Variants in FOXJ3 observed in about 807,000 individuals in gnomAD.
FOXJ3 encodes forkhead box J3.
FOXJ3 carries 22 observed loss-of-function variants against 76.1 expected under a neutral mutation model. The ratio of observed to expected loss-of-function variants is 0.29; its 90% CI spans 0.21 to 0.41. The LOEUF (loss-of-function observed/expected upper bound fraction) is 0.41. Ranked by LOEUF, FOXJ3 falls within the 10% of genes least tolerant of loss-of-function variation. The pLI, the probability that FOXJ3 is intolerant of heterozygous loss-of-function variation, is 1.00. For synonymous variants in FOXJ3, 269 were observed against 261.2 expected, an observed-to-expected ratio of 1.03 and a Z score of -0.29; for missense variants, 613 against 762.1, an observed-to-expected ratio of 0.80 and a Z score of 2.30.
intron 5 of FOXJ3, among the ~76,000 whole-genome samples, chr1:42,216,024 A>G (rs1647057312): frequency 6.6e-6 from 1 of 152,112 alleles, no homozygotes; most frequent in Admixed American, 6.5e-5. Context: ...TCATATACAT[A>G]TATATGTGAA....
At chr1:42,204,803 G>C (rs924884765) in intron 6 of FOXJ3, among the ~76,000 whole-genome samples, 2 of 151,638 alleles carry the variant, frequency 1.3e-5, no homozygotes, top group Non-Finnish European at 2.9e-5. Context: ...CTATGCCTAG[G>C]CTACCAGTTT....
intron 1 of FOXJ3, among the ~76,000 whole-genome samples, chr1:42,321,887 A>T (rs1655452202): frequency 6.6e-6 from 1 of 152,126 alleles, no homozygotes; most frequent in African/African-American, 2.4e-5. Flanking sequence ...GGGAAAAAAA[A>T]TGGGAGACTT....
rs146464163 is a variant in FOXJ3, at chr1:42,283,653, G to A, written c.45-4981C>T. Among the ~76,000 whole-genome samples, 156 of 152,132 alleles carry A rather than the reference G, an allele frequency of 1.0e-3. 2 individuals carry two copies. Among genetic ancestry groups the A allele is most frequent in the African/African-American group, 3.6e-3 (150 of 41,504 alleles). ...CATGGCATTTCATCTTAAGACCTGCGGCACATAACAAAACTGAGCAACTTA... is the reference window on the plus strand; with the variant it reads ...CATGGCATTTCATCTTAAGACCTGCAGCACATAACAAAACTGAGCAACTTA... On this transcript the variant is annotated intron_variant, in intron 2 of 12. Coordinates refer to ENST00000361346, the MANE Select transcript of FOXJ3 (RefSeq NM_014947.5).
At chr1:42,213,759 A>C (rs1317960797) in intron 5 of FOXJ3, among the ~76,000 whole-genome samples, 2 of 152,204 alleles carry the variant, frequency 1.3e-5, no homozygotes, top group Admixed American at 6.5e-5. Context: ...AAAAAACCCC[A>C]AACTCATAAA....
intron 6 of FOXJ3, among the ~76,000 whole-genome samples, chr1:42,200,714 G>A (rs56273464): frequency 0.014 from 2,145 of 152,148 alleles, 59 homozygotes; most frequent in African/African-American, 0.048. Flanking sequence ...TCCTGACCTC[G>A]TGATCCACCC....
chr1:42,247,588 T>C (rs1649650479), intron 4 of FOXJ3, among the ~76,000 whole-genome samples: 1 of 152,188 alleles, frequency 6.6e-6, no homozygotes, highest in African/African-American at 2.4e-5. Flanking sequence ...AAATGAGGTA[T>C]CATTTTATAC....
At chr1:42,273,149 CAGT>C (rs1339558424) in intron 3 of FOXJ3, among the ~76,000 whole-genome samples, 1 of 152,194 alleles carries the variant, frequency 6.6e-6, no homozygotes, top group Admixed American at 6.5e-5. Context: ...AGTTTACACA[CAGT>C]AGGTGTGGCC....
chr1:42,297,333 T>A (rs190329613), intron 2 of FOXJ3, among the ~76,000 whole-genome samples: 60 of 152,330 alleles, frequency 3.9e-4, no homozygotes, highest in Non-Finnish European at 6.5e-4. Context: ...AGAGTGGACA[T>A]CCTTGTCTTG....
At chr1:42,189,048 G>A (rs1431684161) in intron 10 of FOXJ3, 120 bp from the exon 11 acceptor site, 1 of 648,314 alleles carries the variant, frequency 1.5e-6, no homozygotes, top group Non-Finnish European at 2.6e-6. Context: ...TTATGGTAGT[G>A]ATTTATCCAC....
chr1:42,310,605 A>G lies in FOXJ3; in HGVS notation c.44+445T>C, dbSNP rs946619651. ...TGGGATTACAGGTGTGAGCCACCAC[A>G]CCTGGCTAATTATTTTGTATTTTTA... On this transcript the variant is annotated intron_variant, in intron 2 of 12. Transcript: ENST00000361346. 2.6e-5 allele frequency among the ~76,000 whole-genome samples: 4 copies of G among 150,950 alleles called. No individual in the cohort carries two copies. The South Asian group carries it at 8.4e-4, about 32-fold the overall frequency.
chr1:42,299,023 A>AAT (rs1653963918), intron 2 of FOXJ3, among the ~76,000 whole-genome samples: 1 of 152,144 alleles, frequency 6.6e-6, no homozygotes, highest in Non-Finnish European at 1.5e-5. Context: ...ATCTGATTTC[A>AAT]GTATTTTGGA....
intron 4 of FOXJ3, among the ~76,000 whole-genome samples, chr1:42,251,125 A>T (rs1465185045): frequency 6.6e-6 from 1 of 152,170 alleles, no homozygotes; most frequent in African/African-American, 2.4e-5. Flanking sequence ...ACTACATCAA[A>T]GCATATCACA....
At chr1:42,236,272 C>G (rs1218125606) in intron 4 of FOXJ3, among the ~76,000 whole-genome samples, 3 of 152,196 alleles carry the variant, frequency 2.0e-5, no homozygotes, top group Non-Finnish European at 4.4e-5. Flanking sequence ...ATCAATGCAA[C>G]CTCAAACTCC....
chr1:42,271,259 G>C (rs1330655877), intron 3 of FOXJ3, among the ~76,000 whole-genome samples: 1 of 151,586 alleles, frequency 6.6e-6, no homozygotes, highest in Non-Finnish European at 1.5e-5. Context: ...TGTTAGGCTT[G>C]TTTCTGCTTG....
chr1:42,290,066 T>C (rs1302825168), intron 2 of FOXJ3, among the ~76,000 whole-genome samples: 1 of 152,138 alleles, frequency 6.6e-6, no homozygotes, highest in Non-Finnish European at 1.5e-5. Context: ...AAGAAAAGGC[T>C]ATGATGTTTT....
rs767475968 is a variant in FOXJ3, at chr1:42,188,853, G to C, written c.1529C>G (p.Ser510Cys). 1.2e-6 allele frequency: 2 copies of C among 1,613,158 alleles called. No homozygotes were observed. Among genetic ancestry groups the C allele is most frequent in the Non-Finnish European group, 1.7e-6 (2 of 1,179,288 alleles). Reference protein sequence around the residue: ...LDQVQFADLCSSLNQFFTQTG... With the variant: ...LDQVQFADLCCSLNQFFTQTG... ...TTGTGTAAAGAACTGATTAAGAGAA[G>C]AACAAAGATCGGCAAACTGAACCTG... Residue 510 changes from serine (S) to cysteine (C), a missense_variant, in exon 11 of 13, where the codon TCT (serine) becomes TGT (cysteine). Ser to Cys is a moderately radical substitution (Grantham distance 112, BLOSUM62 -1). Coordinates refer to ENST00000361346, the MANE Select transcript of FOXJ3 (RefSeq NM_014947.5).
chr1:42,224,552 G>A (rs984263742), intron 5 of FOXJ3, among the ~76,000 whole-genome samples: 5 of 151,818 alleles, frequency 3.3e-5, no homozygotes, highest in Admixed American at 2.6e-4. Context: ...ACTCGGAGGG[G>A]CTAAGGCAGA....
chr1:42,187,781 T>C (rs1002346777), intron 11 of FOXJ3, among the ~76,000 whole-genome samples: 1 of 152,340 alleles, frequency 6.6e-6, no homozygotes, highest in African/African-American at 2.4e-5. Context: ...CTTGTGTGGA[T>C]GTAATTTACT....
At chr1:42,265,247 T>G (rs1651377015) in intron 3 of FOXJ3, 58 bp from the exon 4 acceptor site, 1 of 863,066 alleles carries the variant, frequency 1.2e-6, no homozygotes, top group African/African-American at 1.7e-5. Context: ...ATAACCCAAA[T>G]TTAAAAACAG....
Sources: gnomAD v4.1 joint callset for allele counts (sites outside exome capture counted in the v4.1 genomes callset) on GRCh38, gnomAD v4.1.1 for gene constraint, MANE v1.5 for transcripts, NCBI Gene and HGNC (gene_info 2026-07-23, HGNC 2026-07-21) for gene names.